LSAMP: variants seen among roughly 807,000 people sequenced by gnomAD.
LSAMP encodes limbic system-associated membrane protein.
LSAMP carries 7 observed loss-of-function variants against 38.6 expected under a neutral mutation model. The observed-to-expected ratio is 0.18, with a 90% CI of 0.10 to 0.34. LSAMP has a LOEUF of 0.34. Among genes scored for constraint, LSAMP ranks in the 10% least tolerant of loss-of-function variants. The pLI is 1.00. For synonymous variants in LSAMP, 154 were observed against 166.8 expected (o/e 0.92, Z 0.59); for missense variants, 313 against 420.0 (o/e 0.75, Z 2.23).
At chr3:116,041,421 C>T (rs538380308) in intron 2 of LSAMP, among the ~76,000 whole-genome samples, 25 of 152,116 alleles carry the variant, frequency 1.6e-4, no homozygotes, top group African/African-American at 6.0e-4. Context: ...ATCATCTCTC[C>T]CCTTTTATAG....
chr3:116,026,514 C>A (rs1940796168), intron 2 of LSAMP, among the ~76,000 whole-genome samples: 2 of 152,122 alleles, frequency 1.3e-5, no homozygotes, highest in South Asian at 4.1e-4. Context: ...GGTAAGACAT[C>A]CTGGTTTTCC....
In LSAMP at chr3:115,804,681, T is replaced by C. The variant is rs1933591984; in HGVS notation, c.*5636A>G. 6.6e-6 allele frequency: 1 copy of C among 152,214 alleles called. No homozygotes were observed. The highest frequency in any genetic ancestry group is 1.5e-5 in the Non-Finnish European group (1 of 68,042). The allele number at this position is 152,214 out of a possible 1,614,324, so 9.4% of individuals were successfully genotyped here. A position where few individuals can be genotyped will look rare whatever the true frequency, so the allele number is the denominator to read the frequency against. On this transcript the variant is annotated 3_prime_UTR_variant, in exon 7 of 7. Transcript: ENST00000490035. ...AAGTCTTTGCAGAAAGTTCACTTGTTTCCTGAAATCATCTCCTTGATAATT... is the reference window on the plus strand; with the variant it reads ...AAGTCTTTGCAGAAAGTTCACTTGTCTCCTGAAATCATCTCCTTGATAATT...
intron 2 of LSAMP, among the ~76,000 whole-genome samples, chr3:116,036,566 G>A (rs1250901364): frequency 6.6e-6 from 1 of 152,018 alleles, no homozygotes; most frequent in Non-Finnish European, 1.5e-5. Flanking sequence ...ATAAATCTTT[G>A]GTGCTAAAAA....
At chr3:116,129,793 G>C (rs535871429) in intron 1 of LSAMP, among the ~76,000 whole-genome samples, 1 of 152,198 alleles carries the variant, frequency 6.6e-6, no homozygotes, top group Non-Finnish European at 1.5e-5. Flanking sequence ...GGTTCTGCCC[G>C]AATGGCCTTG....
At chr3:115,862,279 A>G (rs1412228780) in intron 3 of LSAMP, among the ~76,000 whole-genome samples, 2 of 152,244 alleles carry the variant, frequency 1.3e-5, no homozygotes, top group East Asian at 1.9e-4. Flanking sequence ...TAAGAGTCAC[A>G]TAAATCAATT....
At chr3:116,221,732 A>G (rs1158328043) in intron 1 of LSAMP, among the ~76,000 whole-genome samples, 1 of 152,064 alleles carries the variant, frequency 6.6e-6, no homozygotes, top group African/African-American at 2.4e-5. Context: ...GTGTCTCACT[A>G]CTTCCATCCT....
intron 1 of LSAMP, among the ~76,000 whole-genome samples, chr3:116,160,527 GGAAAAGAAAA>G (rs377348658): frequency 1.3e-5 from 2 of 150,912 alleles, no homozygotes; most frequent in African/African-American, 2.4e-5. Flanking sequence ...GAAGAGGAAA[GGAAAAGAAAA>G]GAAAAGAAAA....
chr3:115,894,555 C>A (rs1180634970), intron 3 of LSAMP, among the ~76,000 whole-genome samples: 1 of 151,974 alleles, frequency 6.6e-6, no homozygotes, highest in Non-Finnish European at 1.5e-5. Flanking sequence ...CTTTGGCAGA[C>A]CATCTTATTC....
At position 116,208,495 on chromosome 3, in the gene LSAMP, C is replaced by A. The variant is rs1034423784; in HGVS notation, c.156-121939G>T. Among the ~76,000 whole-genome samples, 53 of 152,264 alleles carry A rather than the reference C, an allele frequency of 3.5e-4. 1 individual carries two copies. Among genetic ancestry groups the A allele is most frequent in the East Asian group, 2.7e-3 (14 of 5,176 alleles). ...AAGCGCTCTGCTTTTTAGAGTTTCC[C>A]GTTTTTCTGTTCTGTTTTTTCCCCA... On this transcript the variant is annotated intron_variant, in intron 1 of 6. Transcript: ENST00000490035.
In LSAMP at chr3:115,808,083, CTCCTTCCTTCCT is replaced by C. The variant is rs1170641773; in HGVS notation, c.*2222_*2233del. ...TCTCCCTCCTGCCTTCCTTTCCTTT[CTCCTTCCTTCCT>C]TCCTTCCTTCCTTCCTCCCTCCCTC... On this transcript the variant is annotated 3_prime_UTR_variant, in exon 7 of 7. Coordinates refer to ENST00000490035, the MANE Select transcript of LSAMP (RefSeq NM_002338.5). 9.8e-5 allele frequency: 11 copies of C among 112,436 alleles called. No individual in the cohort carries two copies. Among genetic ancestry groups the C allele is most frequent in the South Asian group, 6.3e-4 (2 of 3,180 alleles). 7.0% of individuals were successfully genotyped at this position (112,436 alleles called of 1,614,324 possible).
At chr3:116,372,793 T>A (rs2048446122) in intron 1 of LSAMP, among the ~76,000 whole-genome samples, 1 of 150,694 alleles carries the variant, frequency 6.6e-6, no homozygotes, top group South Asian at 2.1e-4. Context: ...ATGCTCAACA[T>A]CACTAATCAT....
chr3:115,989,481 C>CT (rs1019171537), intron 3 of LSAMP, among the ~76,000 whole-genome samples: 7 of 152,146 alleles, frequency 4.6e-5, no homozygotes, highest in South Asian at 2.1e-4. Context: ...ATAAAGGCTT[C>CT]TTTTTTTATT....
intron 1 of LSAMP, among the ~76,000 whole-genome samples, chr3:116,137,947 T>C (rs1266940072): frequency 2.6e-5 from 4 of 152,136 alleles, no homozygotes; most frequent in Admixed American, 2.0e-4. Flanking sequence ...CTAAGAAATA[T>C]GTTCAAAGGG....
chr3:116,194,375 T>C (rs968198315), intron 1 of LSAMP, among the ~76,000 whole-genome samples: 2 of 144,128 alleles, frequency 1.4e-5, no homozygotes, highest in South Asian at 2.2e-4. Flanking sequence ...TGGGGAATTG[T>C]TTTTTGTTTG....
chr3:115,825,443 C>T (rs1934376712), intron 6 of LSAMP, among the ~76,000 whole-genome samples: 1 of 152,178 alleles, frequency 6.6e-6, no homozygotes, highest in African/African-American at 2.4e-5. Flanking sequence ...CTGATGGCTC[C>T]TTACAACCTA....
chr3:116,193,576 AAAC>A (rs1357036969), intron 1 of LSAMP, among the ~76,000 whole-genome samples: 3 of 152,216 alleles, frequency 2.0e-5, no homozygotes, highest in Non-Finnish European at 4.4e-5. Flanking sequence ...CAAACAAAAA[AAAC>A]AACGCTTGCA....
At chr3:115,970,900 G>A (rs1938996365) in intron 3 of LSAMP, among the ~76,000 whole-genome samples, 1 of 152,186 alleles carries the variant, frequency 6.6e-6, no homozygotes. Context: ...TTATTGATAT[G>A]TGTTAGGGGT....
chr3:115,975,262 A>G (rs552434696), intron 3 of LSAMP, among the ~76,000 whole-genome samples: 2 of 152,164 alleles, frequency 1.3e-5, no homozygotes, highest in Non-Finnish European at 2.9e-5. Context: ...TCATAAAAAA[A>G]ATAGAATTAA....
At chr3:116,123,287 G>C (rs1465401383) in intron 1 of LSAMP, among the ~76,000 whole-genome samples, 1 of 152,160 alleles carries the variant, frequency 6.6e-6, no homozygotes, top group Non-Finnish European at 1.5e-5. Context: ...GCCACCAGAG[G>C]AGGCCATGAC....
Sources: allele counts gnomAD v4.1 joint callset (sites outside exome capture counted in the v4.1 genomes callset), GRCh38; gene constraint gnomAD v4.1.1; transcripts MANE v1.5; gene names NCBI Gene and HGNC (gene_info 2026-07-23, HGNC 2026-07-21).